The following SCN3A variants were observed in gnomAD, a reference collection of about 807,000 sequenced individuals.
SCN3A encodes sodium voltage-gated channel alpha subunit 3.
SCN3A carries 60 observed loss-of-function variants against 187.6 expected under a neutral mutation model. The observed-to-expected ratio is 0.32, with a 90% CI of 0.26 to 0.40. The LOEUF (loss-of-function observed/expected upper bound fraction) is 0.40. Ranked by LOEUF, SCN3A falls within the 10% of genes least tolerant of loss-of-function variation. The pLI is 1.00. For synonymous variants in SCN3A, 788 were observed against 829.2 expected (o/e 0.95, Z 0.85); for missense variants, 1,601 against 2,428.2 (o/e 0.66, Z 7.16).
At chr2:165,202,656 A>C (rs1692393658) in intron 1 of SCN3A, among the ~76,000 whole-genome samples, 1 of 152,022 alleles carries the variant, frequency 6.6e-6, no homozygotes. Flanking sequence ...TAGGAATTAC[A>C]GTTTGGAGGC....
At chr2:165,178,921 G>A (rs1248566699) in intron 2 of SCN3A, among the ~76,000 whole-genome samples, 1 of 152,066 alleles carries the variant, frequency 6.6e-6, no homozygotes, top group East Asian at 1.9e-4. Flanking sequence ...TAAGCTGTGT[G>A]GAATAATCAC....
At chr2:165,186,269 C>CAAA (rs57497434) in intron 2 of SCN3A, among the ~76,000 whole-genome samples, 12,946 of 150,080 alleles carry the variant, frequency 0.086, 1,303 homozygotes, top group East Asian at 0.48. Context: ...GACTCTGTCT[C>CAAA]AAAACAACAA....
chr2:165,117,271 T>C (rs1686417645), intron 18 of SCN3A, among the ~76,000 whole-genome samples: 1 of 152,094 alleles, frequency 6.6e-6, no homozygotes, highest in South Asian at 2.1e-4. Context: ...ACCAAAGTAT[T>C]TGAGGTTAGT....
rs1482662921 is a variant in SCN3A, at chr2:165,090,882, T to C, written c.5271A>G (p.Ile1757Met). Residue 1757 changes from isoleucine (I) to methionine (M), a missense_variant, in exon 28 of 28, where the codon ATA (isoleucine) becomes ATG (methionine). By Grantham distance (10) the Ile-to-Met change is conservative. This residue lies in a region of SCN3A where 3 missense variants were observed against 32.4 expected (regional missense o/e 0.09). Coordinates refer to ENST00000283254, the MANE Select transcript of SCN3A (RefSeq NM_006922.4). This position sits in a 1 kb window ranked among gnomAD's most constrained non-coding sequence, Gnocchi z 4.0. ...GIFFFVSYII[I>M]SFLVVVNMYI... ...ACATGTTCACCACAACCAGGAAGGATATGATGATGTAACTGACAAAAAAGA... is the reference window on the plus strand; with the variant it reads ...ACATGTTCACCACAACCAGGAAGGACATGATGATGTAACTGACAAAAAAGA... 1 of 1,613,932 alleles carries C rather than the reference T, an allele frequency of 6.2e-7. No individual in the cohort carries two copies. The highest frequency in any genetic ancestry group is 8.5e-7 in the Non-Finnish European group (1 of 1,179,998).
At position 165,090,364 on chromosome 2, in the gene SCN3A, T is replaced by C. The variant is rs1685025962; in HGVS notation, c.5789A>G (p.Glu1930Gly). ...TAAGTCAATCCTCCCTTTAATTGCC[T>C]CTTTGTTATAGTTACTTGATATATT... is the stretch of plus-strand genomic sequence containing the variant. ...LKNISSNYNK[E>G]AIKGRIDLPI... Residue 1930 changes from glutamate (E) to glycine (G), a missense_variant, in exon 28 of 28, where the codon GAG becomes GGG. Glu to Gly is a moderately conservative substitution (Grantham distance 98, BLOSUM62 -2). Transcript: ENST00000283254. This position sits in a 1 kb window ranked among gnomAD's most constrained non-coding sequence, Gnocchi z 4.0. 6 of 1,613,000 alleles carry C rather than the reference T, an allele frequency of 3.7e-6. No individual in the cohort carries two copies. The highest frequency in any genetic ancestry group is 5.1e-6 in the Non-Finnish European group (6 of 1,179,186).
chr2:165,097,129 G>C (rs1402049829), intron 23 of SCN3A, 123 bp downstream of exon 23: 2 of 907,832 alleles, frequency 2.2e-6, no homozygotes, highest in Non-Finnish European at 3.4e-6. Context: ...GATATTATAG[G>C]TGTTATCATT....
chr2:165,177,801 A>G (rs1690558902), intron 2 of SCN3A, among the ~76,000 whole-genome samples: 1 of 152,234 alleles, frequency 6.6e-6, no homozygotes, highest in Non-Finnish European at 1.5e-5. Flanking sequence ...ATTTCGAAAT[A>G]TGAGTTATTT....
At chr2:165,161,225 T>C (rs541520365) in intron 9 of SCN3A, among the ~76,000 whole-genome samples, 4 of 146,880 alleles carry the variant, frequency 2.7e-5, no homozygotes, top group South Asian at 4.6e-4. Flanking sequence ...ATTCTTACAA[T>C]TGTCCATGTG....
chr2:165,198,790 A>G (rs1692139843), intron 1 of SCN3A, among the ~76,000 whole-genome samples: 1 of 152,022 alleles, frequency 6.6e-6, no homozygotes, highest in African/African-American at 2.4e-5. Flanking sequence ...AATTCCATGA[A>G]AAGAAAATGC....
Position 165,089,208 on chromosome 2 carries a change from A to G in SCN3A, c.*942T>C, listed in dbSNP as rs1574084581. On this transcript the variant is annotated 3_prime_UTR_variant, in exon 28 of 28. Coordinates refer to ENST00000283254, the MANE Select transcript of SCN3A (RefSeq NM_006922.4). ...AGGCTATATATATATTTGCCCAAAC[A>G]TGCACCACAGGATAAAATAACTATT... 4 of 152,776 alleles carry G rather than the reference A, an allele frequency of 2.6e-5. No homozygotes were observed. The South Asian group carries it at 8.3e-4, about 32-fold the overall frequency. 9.5% of individuals were successfully genotyped at this position (152,776 alleles called of 1,614,324 possible).
intron 13 of SCN3A, 127 bp from the exon 14 acceptor site, chr2:165,139,735 T>A (rs1045420316): frequency 6.0e-6 from 7 of 1,162,624 alleles, no homozygotes; most frequent in Non-Finnish European, 7.6e-6. Context: ...GAATAAAATA[T>A]TGAATTATTG....
At chr2:165,186,281 A>G (rs1335751250) in intron 2 of SCN3A, among the ~76,000 whole-genome samples, 2 of 151,820 alleles carry the variant, frequency 1.3e-5, no homozygotes, top group Non-Finnish European at 2.9e-5. Context: ...AAACAACAAC[A>G]ACAACAACAA....
At chr2:165,159,818 T>C (rs1689251612) in intron 9 of SCN3A, among the ~76,000 whole-genome samples, 1 of 136,970 alleles carries the variant, frequency 7.3e-6, no homozygotes, top group Admixed American at 7.6e-5. Context: ...TAATGGAATG[T>C]GCCGCTTAAA....
chr2:165,174,174 C>T (rs1690300007), intron 3 of SCN3A, among the ~76,000 whole-genome samples: 1 of 152,146 alleles, frequency 6.6e-6, no homozygotes, highest in Admixed American at 6.6e-5. Context: ...CTCTCGAAGC[C>T]CTAGGATTAC....
rs1233705111 is a variant in SCN3A at position 165,092,621 on chromosome 2, A to G, written c.4537-97T>C. 1 of 1,130,754 alleles carries G rather than the reference A, an allele frequency of 8.8e-7. No homozygotes were observed. Among genetic ancestry groups the G allele is most frequent in the South Asian group, 1.3e-5 (1 of 74,754 alleles). 70.0% of individuals were successfully genotyped at this position (1,130,754 alleles called of 1,614,324 possible). On this transcript the variant is annotated intron_variant, in intron 26 of 27. Coordinates refer to ENST00000283254, the MANE Select transcript of SCN3A (RefSeq NM_006922.4). This position sits in a 1 kb window ranked among gnomAD's most constrained non-coding sequence, Gnocchi z 4.2. ...TAAAGCCCTTCCACATACGGGATGG[A>G]TGTGCACCCTCCTCATATTACCCCA...
In SCN3A at chr2:165,171,056, C is replaced by A. The variant is rs114208109; in HGVS notation, c.265-508G>T. Among the ~76,000 whole-genome samples, 764 of 152,094 alleles carry A rather than the reference C, an allele frequency of 5.0e-3. 8 individuals are homozygous for A. The highest frequency in any genetic ancestry group is 0.017 in the African/African-American group (715 of 41,518). On this transcript the variant is annotated intron_variant, in intron 3 of 27. Transcript: ENST00000283254. ...CTATAGATGTGTGAGAAGGGTTCAA[C>A]TTCTCAGCTAATACTGAAGAGAGAT...
intron 3 of SCN3A, among the ~76,000 whole-genome samples, chr2:165,170,998 G>A (rs935747317): frequency 9.2e-5 from 14 of 151,882 alleles, no homozygotes; most frequent in Non-Finnish European, 1.9e-4. Context: ...GATTTAAAAT[G>A]TTCAAACAGG....
intron 11 of SCN3A, among the ~76,000 whole-genome samples, chr2:165,147,292 G>C (rs377030228): frequency 7.4e-6 from 1 of 134,526 alleles, no homozygotes; most frequent in Admixed American, 7.5e-5. Context: ...TTGGGGGGGG[G>C]GGGTTGGTGA....
At chr2:165,184,993 A>G (rs752894973) in intron 2 of SCN3A, among the ~76,000 whole-genome samples, 9 of 151,972 alleles carry the variant, frequency 5.9e-5, no homozygotes, top group Non-Finnish European at 1.2e-4. Flanking sequence ...GATTGCCAAC[A>G]TGTGTTAACT....
Sources: allele counts gnomAD v4.1 joint callset (sites outside exome capture counted in the v4.1 genomes callset), GRCh38; gene constraint gnomAD v4.1.1; regional missense constraint gnomAD v4.1.1; non-coding constraint Gnocchi (gnomAD v3.1); transcripts MANE v1.5; gene names NCBI Gene and HGNC (gene_info 2026-07-23, HGNC 2026-07-21).